The following DHX36 variants were observed in gnomAD, a reference collection of about 807,000 sequenced individuals.
DHX36 encodes ATP-dependent DNA/RNA helicase DHX36.
A neutral mutation model predicts 139.0 loss-of-function variants in DHX36; 50 were observed. That is an observed-to-expected ratio of 0.36 (90% confidence interval 0.29 to 0.46). The LOEUF is 0.46. DHX36 is among the 20% of genes least tolerant of loss of function. The probability of loss-of-function intolerance (pLI) is 1.00; values close to 1 mark genes in which losing one functional copy is unlikely to be tolerated. For missense variants in DHX36, 1,024 were observed against 1,211.3 expected, an observed-to-expected ratio of 0.85 and a Z score of 2.29; for synonymous variants, 425 against 401.9, an observed-to-expected ratio of 1.06 and a Z score of -0.69.
Position 154,280,797 on chromosome 3 carries a change from T to C in DHX36, c.2442A>G (p.Arg814=). The part of the protein sequence containing the change: ...HLLGAGFVSS[R]NPKDPESNIN... ...TATTAGATTCTGGATCTTTAGGATT[T>C]CTACTGCTTACAAATCCAGCTCCAA... Residue 814 remains arginine (R), a synonymous_variant, in exon 21 of 25, where the codon AGA becomes AGG. Transcript: ENST00000496811. 6.2e-7 allele frequency: 1 copy of C among 1,613,718 alleles called. No individual in the cohort carries two copies. The highest frequency in any genetic ancestry group is 8.5e-7 in the Non-Finnish European group (1 of 1,179,816).
At chr3:154,306,415 AAT>A in intron 5 of DHX36, 120 bp from the exon 6 acceptor site, 1 of 757,622 alleles carries the variant, frequency 1.3e-6, no homozygotes, top group South Asian at 1.7e-5. Flanking sequence ...GAGTTAAAAA[AAT>A]AGATATTAAA....
chr3:154,307,834 A>T (rs892475335), intron 5 of DHX36, among the ~76,000 whole-genome samples: 3 of 152,128 alleles, frequency 2.0e-5, no homozygotes, highest in Non-Finnish European at 4.4e-5. Context: ...TGTTTATCAC[A>T]GTACTATTCA....
Position 154,301,694 on chromosome 3 carries a change from C to T in DHX36, c.1218-567G>A, listed in dbSNP as rs945200567. Reference sequence around the variant, plus strand: ...TAATGGCAGATCCAGAATCAGTATTCAAGTCTCTCATATGTCAATTGAGTG... The same window carrying T: ...TAATGGCAGATCCAGAATCAGTATTTAAGTCTCTCATATGTCAATTGAGTG... On this transcript the variant is annotated intron_variant, in intron 9 of 24. Coordinates refer to ENST00000496811, the MANE Select transcript of DHX36 (RefSeq NM_020865.3). Among the ~76,000 whole-genome samples the T allele has an allele frequency of 2.6e-5, 4 of 152,144 alleles. No individual in the cohort carries two copies. The East Asian group carries it at 7.7e-4, about 29-fold the overall frequency.
chr3:154,293,091 C>T (rs1711886939), intron 14 of DHX36, among the ~76,000 whole-genome samples: 1 of 152,094 alleles, frequency 6.6e-6, no homozygotes, highest in Non-Finnish European at 1.5e-5. Flanking sequence ...TAAACTACAT[C>T]TTAGTACCTC....
Position 154,289,701 on chromosome 3 carries a change from TA to T in DHX36, c.1932+7del. ...CATTTAGTTTCTTCATTCTCCCACC[TA>T]ATTTACCTTTATTTGTAAACAAAGT... On this transcript the variant is annotated splice_region_variant and intron_variant, in intron 16 of 24. Coordinates refer to ENST00000496811, the MANE Select transcript of DHX36 (RefSeq NM_020865.3). 1 of 1,504,774 alleles carries T rather than the reference TA, an allele frequency of 6.6e-7. No homozygotes were observed. Among genetic ancestry groups the T allele is most frequent in the Non-Finnish European group, 9.2e-7 (1 of 1,082,638 alleles). The allele number at this position is 1,504,774 out of a possible 1,614,324, so 93.2% of individuals were successfully genotyped here. A position where few individuals can be genotyped will look rare whatever the true frequency, so the allele number is the denominator to read the frequency against.
chr3:154,283,399 A>G, intron 19 of DHX36, 128 bp from the exon 20 acceptor site: 2 of 651,090 alleles, frequency 3.1e-6, no homozygotes, highest in Non-Finnish European at 5.3e-6. Context: ...AAAAATTCAA[A>G]GAATTTTATA....
chr3:154,277,036 T>A, intron 23 of DHX36, 137 bp from the exon 24 acceptor site: 1 of 724,994 alleles, frequency 1.4e-6, no homozygotes, highest in Non-Finnish European at 2.1e-6. Context: ...TTACAGAGAT[T>A]TGTAAGAAAT....
At chr3:154,311,541 T>C in intron 4 of DHX36, 95 bp downstream of exon 4, 1 of 998,422 alleles carries the variant, frequency 1.0e-6, no homozygotes, top group Non-Finnish European at 1.5e-6. Context: ...TAAAAGAAAG[T>C]TCATTAATTT....
At position 154,276,897 on chromosome 3, in the gene DHX36, T is replaced by C; in HGVS notation, c.2691A>G (p.Ile897Met). 13 of 1,604,612 alleles carry C rather than the reference T, an allele frequency of 8.1e-6. No homozygotes were observed. The highest frequency in any genetic ancestry group is 1.1e-5 in the Non-Finnish European group (13 of 1,177,616). ...IYHLKMRTSSIYLYDCTEVSP... is the reference protein window; with the variant it reads ...IYHLKMRTSSMYLYDCTEVSP... ...AAACCTCTGTGCAGTCATACAAGTA[T>C]ATCTGTAATGAAAATTAAAGTGAAT... Residue 897 changes from isoleucine (I) to methionine (M), a missense_variant and splice_region_variant, in exon 24 of 25, where the codon ATA becomes ATG. Transcript: ENST00000496811.
intron 1 of DHX36, among the ~76,000 whole-genome samples, chr3:154,318,882 G>A (rs1348498031): frequency 1.3e-5 from 2 of 152,154 alleles, no homozygotes; most frequent in Non-Finnish European, 2.9e-5. Flanking sequence ...CAGTGTCTCT[G>A]CCAGATATAA....
rs1719312988 is a variant in DHX36, at chr3:154,280,859, G to C, written c.2380C>G (p.Leu794Val). ...YFLSSNTLQM[L>V]HNMKGQFAEH... ...GCAAACTGTCCTTTCATGTTATGCA[G>C]CATCTAGGGAGCAATGGTAACAAAT... The change falls in exon 21 of 25, where the codon CTG (leucine) becomes GTG (valine). Residue 794 changes from leucine (L) to valine (V), a missense_variant. Physicochemically the swap from Leu to Val is conservative, Grantham distance 32 (BLOSUM62 1). Coordinates refer to ENST00000496811, the MANE Select transcript of DHX36 (RefSeq NM_020865.3). 6.2e-7 allele frequency: 1 copy of C among 1,612,186 alleles called. No homozygotes were observed. Among genetic ancestry groups the C allele is most frequent in the East Asian group, 2.2e-5 (1 of 44,834 alleles).
intron 9 of DHX36, among the ~76,000 whole-genome samples, chr3:154,302,881 C>G (rs1712354209): frequency 6.6e-6 from 1 of 152,048 alleles, no homozygotes; most frequent in South Asian, 2.1e-4. Flanking sequence ...AGTTTGAGAC[C>G]AGCCTGGCCA....
chr3:154,284,633 A>G lies in DHX36; in HGVS notation c.2242T>C (p.Leu748=), dbSNP rs1170458734. ...TGATCACTTCTAGTATCCTTTGCCAATTCCTTTCTTCTTGCATCTGCAATC... is the reference window on the plus strand; with the variant it reads ...TGATCACTTCTAGTATCCTTTGCCAGTTCCTTTCTTCTTGCATCTGCAATC... ...EKIADARRKE[L]AKDTRSDHLT... Residue 748 remains leucine, a synonymous_variant, in exon 19 of 25, where the codon TTG becomes CTG. Coordinates refer to ENST00000496811, the MANE Select transcript of DHX36 (RefSeq NM_020865.3). The G allele has an allele frequency of 6.2e-7, 1 of 1,612,830 alleles. No homozygotes were observed. The highest frequency in any genetic ancestry group is 1.3e-5 in the African/African-American group (1 of 74,964).
intron 12 of DHX36, 46 bp from the exon 13 acceptor site, chr3:154,295,385 A>C (rs1391990019): frequency 9.7e-7 from 1 of 1,029,462 alleles, no homozygotes; most frequent in Non-Finnish European, 1.4e-6. Flanking sequence ...AGTTGCAGAA[A>C]AGCTCCATCA....
chr3:154,316,704 G>T (rs998278158), intron 1 of DHX36, among the ~76,000 whole-genome samples: 15 of 151,190 alleles, frequency 9.9e-5, no homozygotes, highest in African/African-American at 3.4e-4. Flanking sequence ...TTGCTTCAAA[G>T]AATGAGAATA....
intron 20 of DHX36, 60 bp downstream of exon 20, chr3:154,283,128 G>A (rs1719380868): frequency 7.8e-7 from 1 of 1,285,048 alleles, no homozygotes; most frequent in South Asian, 1.2e-5. Context: ...TGTACAAAAT[G>A]GATGTATATA....
chr3:154,310,823 A>ATGTG (rs1553759632), intron 4 of DHX36, among the ~76,000 whole-genome samples: 9 of 25,112 alleles, frequency 3.6e-4, no homozygotes, highest in African/African-American at 1.7e-3. Flanking sequence ...ATATATATAT[A>ATGTG]TATATATATA....
At chr3:154,280,944 G>A in intron 20 of DHX36, 82 bp from the exon 21 acceptor site, 2 of 1,025,278 alleles carry the variant, frequency 2.0e-6, no homozygotes, top group Non-Finnish European at 1.5e-6. Flanking sequence ...GATAAATTGA[G>A]TTGTAAGCTA....
At chr3:154,314,488 T>C (rs1391149445) in intron 3 of DHX36, among the ~76,000 whole-genome samples, 1 of 152,172 alleles carries the variant, frequency 6.6e-6, no homozygotes, top group Non-Finnish European at 1.5e-5. Context: ...ACCACTTTAT[T>C]ACATCTCTAG....
Sources: allele counts gnomAD v4.1 joint callset (sites outside exome capture counted in the v4.1 genomes callset), GRCh38; gene constraint gnomAD v4.1.1; transcripts MANE v1.5; gene names NCBI Gene and HGNC (gene_info 2026-07-23, HGNC 2026-07-21).